IQSEC1: variants seen among roughly 807,000 people sequenced by gnomAD.
IQSEC1 encodes IQ motif and Sec7 domain ArfGEF 1.
IQSEC1 carries 31 observed loss-of-function variants against 91.0 expected under a neutral mutation model. The ratio of observed to expected loss-of-function variants is 0.34; its 90% CI spans 0.26 to 0.46. IQSEC1 has a LOEUF of 0.46. IQSEC1 is among the 20% of genes least tolerant of loss of function. The probability of loss-of-function intolerance (pLI) is 1.00; values close to 1 mark genes in which losing one functional copy is unlikely to be tolerated. For synonymous variants in IQSEC1, 699 were observed against 662.6 expected, an observed-to-expected ratio of 1.05 and a Z score of -0.84; for missense variants, 1,388 against 1,575.6, an observed-to-expected ratio of 0.88 and a Z score of 2.02.
intron 2 of IQSEC1, among the ~76,000 whole-genome samples, chr3:13,134,067 G>A (rs1260269897): frequency 6.6e-6 from 1 of 152,130 alleles, no homozygotes; most frequent in African/African-American, 2.4e-5. Flanking sequence ...TGGGTCAGTG[G>A]AAAGAAAAAA....
chr3:12,942,369 G>A lies in IQSEC1; in HGVS notation c.24-504C>T, dbSNP rs374924430. Among the ~76,000 whole-genome samples the A allele has an allele frequency of 1.6e-4, 25 of 152,296 alleles. 1 individual carries two copies. The highest frequency in any genetic ancestry group is 6.5e-4 in the Admixed American group (10 of 15,300). ...TGTAATCCCAGCACTTTGGGAGGCCGAGGAGGGCGGATCACGAGGTCAGGA... is the reference window on the plus strand; with the variant it reads ...TGTAATCCCAGCACTTTGGGAGGCCAAGGAGGGCGGATCACGAGGTCAGGA... On this transcript the variant is annotated intron_variant, in intron 1 of 13. Transcript: ENST00000613206.
chr3:13,161,354 G>A (rs542396116), intron 2 of IQSEC1, among the ~76,000 whole-genome samples: 8 of 152,338 alleles, frequency 5.3e-5, no homozygotes, highest in East Asian at 1.9e-4. Flanking sequence ...CCCCTCTAGC[G>A]GGTCTGGAGA....
In IQSEC1 at chr3:13,237,258, C is replaced by A. The variant is rs1053624412; in HGVS notation, c.272+45453G>T. Among the ~76,000 whole-genome samples the A allele has an allele frequency of 5.9e-5, 9 of 152,190 alleles. No individual in the cohort carries two copies. In the South Asian group the frequency reaches 6.2e-4, roughly 11 times the overall value. Reference sequence around the variant, plus strand: ...GATGGGATGACGCCTGAGCAAGAGTCCCCCAGAACGGGGTCACTGAGCTGA... The same window carrying A: ...GATGGGATGACGCCTGAGCAAGAGTACCCCAGAACGGGGTCACTGAGCTGA... On this transcript the variant is annotated intron_variant, in intron 1 of 15. Transcript: ENST00000648114.
At chr3:12,995,944 T>C (rs1702210152) in intron 1 of IQSEC1, among the ~76,000 whole-genome samples, 1 of 152,200 alleles carries the variant, frequency 6.6e-6, no homozygotes, top group African/African-American at 2.4e-5. Flanking sequence ...TTTGGGAGGC[T>C]GAGGTGGAAG....
At chr3:13,023,154 C>T (rs924267714) in intron 1 of IQSEC1, among the ~76,000 whole-genome samples, 2 of 152,192 alleles carry the variant, frequency 1.3e-5, no homozygotes, top group Admixed American at 6.5e-5. Context: ...TAAGAGCCCA[C>T]GCTGGAGTCA....
intron 1 of IQSEC1, among the ~76,000 whole-genome samples, chr3:13,226,686 G>GCC (rs1694759771): frequency 6.6e-6 from 1 of 152,066 alleles, no homozygotes; most frequent in Admixed American, 6.6e-5. Flanking sequence ...CTTCAATAAT[G>GCC]CCCCAGCATG....
intron 1 of IQSEC1, among the ~76,000 whole-genome samples, chr3:13,241,033 G>T (rs201212317): frequency 6.6e-6 from 1 of 152,184 alleles, no homozygotes; most frequent in African/African-American, 2.4e-5. Flanking sequence ...GTGTGATCAC[G>T]TCTCCAAACC....
At chr3:13,135,465 G>A (rs993060293) in intron 2 of IQSEC1, among the ~76,000 whole-genome samples, 2 of 152,254 alleles carry the variant, frequency 1.3e-5, no homozygotes, top group African/African-American at 4.8e-5. Context: ...AAGGCCTGGG[G>A]TCAGGGGTGA....
intron 12 of IQSEC1, among the ~76,000 whole-genome samples, chr3:12,907,162 A>G (rs1559605096): frequency 2.0e-5 from 3 of 152,234 alleles, no homozygotes; most frequent in Admixed American, 2.0e-4. Flanking sequence ...CCCTGGGTTC[A>G]ACCCTCATGC....
chr3:13,050,522 CATT>C (rs1704656349), intron 1 of IQSEC1, among the ~76,000 whole-genome samples: 1 of 152,180 alleles, frequency 6.6e-6, no homozygotes, highest in Non-Finnish European at 1.5e-5. Context: ...TGAGATACAT[CATT>C]ATTATCATTA....
chr3:12,919,935 G>T (rs1696462766), intron 6 of IQSEC1, among the ~76,000 whole-genome samples: 1 of 152,158 alleles, frequency 6.6e-6, no homozygotes, highest in South Asian at 2.1e-4. Context: ...CAGGGAGCCG[G>T]GTCTGCACTC....
chr3:13,174,337 C>T (rs1006865536), intron 1 of IQSEC1, among the ~76,000 whole-genome samples: 1 of 152,136 alleles, frequency 6.6e-6, no homozygotes, highest in Non-Finnish European at 1.5e-5. Context: ...ACATTGGCTG[C>T]AGACCAAACT....
chr3:13,105,224 C>A (rs566521798), intron 2 of IQSEC1, among the ~76,000 whole-genome samples: 88 of 152,210 alleles, frequency 5.8e-4, no homozygotes, highest in African/African-American at 2.1e-3. Context: ...CAGCACTGTT[C>A]CTCTAGGAAG....
chr3:12,914,949 G>A (rs1695930828), intron 8 of IQSEC1, among the ~76,000 whole-genome samples, 155 bp downstream of exon 8: 1 of 152,082 alleles, frequency 6.6e-6, no homozygotes, highest in Non-Finnish European at 1.5e-5. Context: ...CTGAGGCTGG[G>A]GTAATTACGA....
At chr3:13,030,209 T>G (rs1208925662) in intron 1 of IQSEC1, among the ~76,000 whole-genome samples, 1 of 152,214 alleles carries the variant, frequency 6.6e-6, no homozygotes, top group African/African-American at 2.4e-5. Context: ...GCGATTCTCA[T>G]GCCTCAGCCT....
intron 7 of IQSEC1, 145 bp downstream of exon 7, chr3:12,915,449 C>G: frequency 1.2e-6 from 1 of 833,408 alleles, no homozygotes; most frequent in East Asian, 2.6e-5. Flanking sequence ...AGGAGACACT[C>G]GAAAAAACCC....
chr3:13,134,384 G>C (rs1010982943), intron 2 of IQSEC1, among the ~76,000 whole-genome samples: 2 of 152,254 alleles, frequency 1.3e-5, no homozygotes, highest in African/African-American at 4.8e-5. Context: ...GGAGCATGGG[G>C]TGGTAAGGAC....
chr3:13,077,628 C>T (rs140577482), upstream of IQSEC1, among the ~76,000 whole-genome samples: 217 of 152,344 alleles, frequency 1.4e-3, 1 homozygote, highest in African/African-American at 5.0e-3. Context: ...GGGAGGACCT[C>T]GCTGGCAGGC....
At chr3:13,199,176 A>C (rs762996508) in intron 1 of IQSEC1, among the ~76,000 whole-genome samples, 7 of 152,184 alleles carry the variant, frequency 4.6e-5, no homozygotes, top group Non-Finnish European at 1.0e-4. Context: ...CATCAGAGAG[A>C]GCTCTCAGCC....
Sources: gnomAD v4.1 joint callset for allele counts (sites outside exome capture counted in the v4.1 genomes callset) on GRCh38, gnomAD v4.1.1 for gene constraint, MANE v1.5 for transcripts, NCBI Gene and HGNC (gene_info 2026-07-23, HGNC 2026-07-21) for gene names.